The following ACTN1 variants were observed in gnomAD, a reference collection of about 807,000 sequenced individuals.
The protein encoded by ACTN1 is alpha-actinin-1.
In ACTN1, 30 loss-of-function variants were observed where a neutral mutation model predicts 119.6. The ratio of observed to expected loss-of-function variants is 0.25; its 90% CI spans 0.19 to 0.34. ACTN1 has a LOEUF of 0.34. Among genes scored for constraint, ACTN1 ranks in the 10% least tolerant of loss-of-function variants. The pLI, the probability that ACTN1 is intolerant of heterozygous loss-of-function variation, is 1.00. For missense variants in ACTN1, 764 were observed against 1,223.4 expected (o/e 0.62, Z 5.60); for synonymous variants, 429 against 472.6 (o/e 0.91, Z 1.20).
intron 6 of ACTN1, among the ~76,000 whole-genome samples, chr14:68,907,889 G>A (rs2033762125): frequency 1.3e-5 from 2 of 152,182 alleles, no homozygotes; most frequent in East Asian, 3.9e-4. Context: ...TGTCACCAAA[G>A]CCCATCAGCT....
chr14:68,967,712 A>C (rs1421651118), intron 1 of ACTN1, among the ~76,000 whole-genome samples: 1 of 152,226 alleles, frequency 6.6e-6, no homozygotes. Flanking sequence ...AGAAGGCAAG[A>C]GGAGGGAAAT....
chr14:68,937,996 C>T (rs1180444346), intron 1 of ACTN1, among the ~76,000 whole-genome samples: 1 of 152,220 alleles, frequency 6.6e-6, no homozygotes, highest in African/African-American at 2.4e-5. Context: ...GACCCCCATA[C>T]AAGTATGGCC....
intron 14 of ACTN1, among the ~76,000 whole-genome samples, chr14:68,883,747 CAGCCTGGGTGACAGAG>C (rs2031763361): frequency 6.6e-6 from 1 of 152,128 alleles, no homozygotes; most frequent in Admixed American, 6.5e-5. Context: ...CACTGCACTC[CAGCCTGGGTGACAGAG>C]TGAGACCTTG....
chr14:68,968,362 A>G lies in ACTN1; in HGVS notation c.105+10590T>C, dbSNP rs79830961. Among the ~76,000 whole-genome samples the G allele has an allele frequency of 6.6e-3, 1,012 of 152,370 alleles. 10 individuals are homozygous for G. Among genetic ancestry groups the G allele is most frequent in the Middle Eastern group, 0.031 (9 of 294 alleles). On this transcript the variant is annotated intron_variant, in intron 1 of 21. Transcript: ENST00000394419. ...AAGTGCTTTGGAACTCAGCAGTCTCAGCCACAAAACAGGGATGGCAGAGCT... is the reference window on the plus strand; with the variant it reads ...AAGTGCTTTGGAACTCAGCAGTCTCGGCCACAAAACAGGGATGGCAGAGCT...
At chr14:68,966,134 T>C (rs1057230682) in intron 1 of ACTN1, among the ~76,000 whole-genome samples, 3 of 152,008 alleles carry the variant, frequency 2.0e-5, no homozygotes, top group Non-Finnish European at 4.4e-5. Flanking sequence ...GGAGACTCAA[T>C]TGAGCCCAGG....
At chr14:68,973,335 T>C (rs1432821353) in intron 1 of ACTN1, among the ~76,000 whole-genome samples, 2 of 151,932 alleles carry the variant, frequency 1.3e-5, no homozygotes, top group Non-Finnish European at 2.9e-5. Flanking sequence ...CGGTGGGAGG[T>C]AATTGAATCA....
At chr14:68,970,140 C>G (rs2140671366) in intron 1 of ACTN1, among the ~76,000 whole-genome samples, 1 of 152,240 alleles carries the variant, frequency 6.6e-6, no homozygotes, top group African/African-American at 2.4e-5. Flanking sequence ...GCCCCACGAT[C>G]ACCCACCACC....
chr14:68,908,651 G>T (rs2033814648), intron 6 of ACTN1, among the ~76,000 whole-genome samples: 2 of 152,144 alleles, frequency 1.3e-5, no homozygotes, highest in Admixed American at 1.3e-4. Context: ...GAGGGAACCT[G>T]GAGAGTGTGG....
At chr14:68,951,471 A>T (rs559274896) in intron 1 of ACTN1, among the ~76,000 whole-genome samples, 3 of 152,032 alleles carry the variant, frequency 2.0e-5, no homozygotes, top group Non-Finnish European at 4.4e-5. Context: ...TCTAACCTCA[A>T]CTCCCAACAT....
intron 1 of ACTN1, among the ~76,000 whole-genome samples, chr14:68,960,767 TAAAC>T (rs2036509142): frequency 6.8e-6 from 1 of 147,700 alleles, no homozygotes; most frequent in South Asian, 2.1e-4. Context: ...AAAAAAAAAT[TAAAC>T]AACAAAAAAC....
intron 1 of ACTN1, among the ~76,000 whole-genome samples, chr14:68,950,948 G>A (rs2036141371): frequency 1.3e-5 from 2 of 152,190 alleles, no homozygotes; most frequent in South Asian, 4.1e-4. Flanking sequence ...TCAGGAGGGT[G>A]TTTAAGACCT....
Position 68,880,902 on chromosome 14 carries a change from A to G in ACTN1, c.2041T>C (p.Tyr681His), listed in dbSNP as rs1300937821. 4 of 1,614,040 alleles carry G rather than the reference A, an allele frequency of 2.5e-6. No homozygotes were observed. The highest frequency in any genetic ancestry group is 1.7e-6 in the Non-Finnish European group (2 of 1,179,978). Residue 681 changes from tyrosine to histidine, a missense_variant, in exon 17 of 22, where the codon TAC becomes CAC. Tyr to His is a moderately conservative substitution (Grantham distance 83). This residue lies in a region of ACTN1 where 544 missense variants were observed against 912.0 expected (regional missense o/e 0.60). Transcript: ENST00000394419. The surrounding 1 kb of genome is among the most constrained non-coding windows in gnomAD (Gnocchi z 4.6). ...TCCAGCTGATCAATCTTTGGCTTGT[A>G]GTTGACGATGCTCTTCTCATACTGC... The part of the protein sequence containing the change: ...LRQYEKSIVN[Y>H]KPKIDQLEGD...
At chr14:68,955,367 A>G (rs148369120) in intron 1 of ACTN1, among the ~76,000 whole-genome samples, 1 of 152,326 alleles carries the variant, frequency 6.6e-6, no homozygotes, top group East Asian at 1.9e-4. Flanking sequence ...ATCCAGTCTC[A>G]TGACAATGAC....
At chr14:68,978,383 CT>C in intron 1 of ACTN1, 1 of 378,230 alleles carries the variant, frequency 2.6e-6, no homozygotes, top group Non-Finnish European at 5.3e-6. Flanking sequence ...CCCAGCCGCA[CT>C]CCAGCTGGTC....
Position 68,979,076 on chromosome 14 carries a change from G to T in ACTN1, c.-20C>A. 6.5e-7 allele frequency: 1 copy of T among 1,538,526 alleles called. No individual in the cohort carries two copies. The highest frequency in any genetic ancestry group is 8.9e-7 in the Non-Finnish European group (1 of 1,123,002). ...GTCCATGATGGTGCGCGCGTGCTAG[G>T]GTCTGGATTTCTTCCTCCACCTTCT... On this transcript the variant is annotated 5_prime_UTR_variant, in exon 1 of 22. Coordinates refer to ENST00000394419, the MANE Select transcript of ACTN1 (RefSeq NM_001130004.2).
chr14:68,902,007 A>G (rs2033371687), intron 8 of ACTN1, among the ~76,000 whole-genome samples: 1 of 152,252 alleles, frequency 6.6e-6, no homozygotes, highest in African/African-American at 2.4e-5. Flanking sequence ...GCCCATGAGC[A>G]GGACAAAGGT....
At chr14:68,890,431 GC>G in intron 10 of ACTN1, 145 bp from the exon 11 acceptor site, 2 of 975,776 alleles carry the variant, frequency 2.0e-6, no homozygotes, top group South Asian at 1.8e-5. Flanking sequence ...TAGCCAGGCT[GC>G]CCCACCATAC....
Position 68,882,628 on chromosome 14 carries a change from G to A in ACTN1, c.1819-36C>T. ...AACAACAAGGCGACTTTCAGGATGG[G>A]TCAGCCATCTGTCCATGTGCCAGAT... On this transcript the variant is annotated intron_variant, in intron 15 of 21. Transcript: ENST00000394419. The surrounding 1 kb of genome is among the most constrained non-coding windows in gnomAD (Gnocchi z 4.5). 2 of 1,612,368 alleles carry A rather than the reference G, an allele frequency of 1.2e-6. No individual in the cohort carries two copies.
At position 68,878,136 on chromosome 14, in the gene ACTN1, G is replaced by A. The variant is rs986069210; in HGVS notation, c.2427+322C>T. ...CATGTGAGGTGACGCATGCCAGCCC[G>A]AAACCTGGGATGTCCCACACCACCA... On this transcript the variant is annotated intron_variant, in intron 20 of 21. Transcript: ENST00000394419. This position sits in a 1 kb window ranked among gnomAD's most constrained non-coding sequence, Gnocchi z 4.4. The A allele has an allele frequency of 1.0e-4, 28 of 276,306 alleles. No individual in the cohort carries two copies. Among genetic ancestry groups the A allele is most frequent in the African/African-American group, 2.2e-4 (10 of 46,102 alleles). 17.1% of individuals were successfully genotyped at this position (276,306 alleles called of 1,614,324 possible). A position where few individuals can be genotyped will look rare whatever the true frequency, so the allele number is the denominator to read the frequency against.
Sources: allele counts gnomAD v4.1 joint callset (sites outside exome capture counted in the v4.1 genomes callset), GRCh38; gene constraint gnomAD v4.1.1; regional missense constraint gnomAD v4.1.1; non-coding constraint Gnocchi (gnomAD v3.1); transcripts MANE v1.5; gene names NCBI Gene and HGNC (gene_info 2026-07-23, HGNC 2026-07-21).